Variants in PARD3B observed in about 807,000 individuals in gnomAD.
PARD3B encodes the protein partitioning defective 3 homolog B.
A neutral mutation model predicts 130.2 loss-of-function variants in PARD3B; 103 were observed. The ratio of observed to expected loss-of-function variants is 0.79; its 90% confidence interval spans 0.67 to 0.93. PARD3B has a LOEUF of 0.93. Ranked by LOEUF, PARD3B falls within the 40% of genes least tolerant of loss-of-function variation. The pLI is 0.00. For synonymous variants in PARD3B, 583 were observed against 553.2 expected, an observed-to-expected ratio of 1.05 and a Z score of -0.76; for missense variants, 1,609 against 1,499.2, an observed-to-expected ratio of 1.07 and a Z score of -1.21.
intron 2 of PARD3B, among the ~76,000 whole-genome samples, chr2:204,806,975 A>G (rs1222542879): frequency 1.3e-5 from 2 of 152,168 alleles, no homozygotes; most frequent in African/African-American, 2.4e-5. Context: ...AAGAGGTTCA[A>G]TGAACTCACA....
At chr2:204,759,681 T>A (rs948772963) in intron 2 of PARD3B, among the ~76,000 whole-genome samples, 1 of 152,088 alleles carries the variant, frequency 6.6e-6, no homozygotes, top group Non-Finnish European at 1.5e-5. Flanking sequence ...AATTGCTGGG[T>A]CAAATAGTCT....
intron 21 of PARD3B, among the ~76,000 whole-genome samples, chr2:205,514,504 C>G (rs971314404): frequency 6.6e-6 from 1 of 151,980 alleles, no homozygotes; most frequent in African/African-American, 2.4e-5. Context: ...TTTAAATAAA[C>G]ATTATTAATA....
At chr2:205,490,472 T>C (rs6733397) in intron 20 of PARD3B, among the ~76,000 whole-genome samples, 64,098 of 152,026 alleles carry the variant, frequency 0.42, 13,986 homozygotes, top group Admixed American at 0.52. Flanking sequence ...CATAGTATTC[T>C]GTGGTGTATA....
chr2:205,432,596 C>T (rs1040562471), intron 19 of PARD3B, among the ~76,000 whole-genome samples: 3 of 152,106 alleles, frequency 2.0e-5, no homozygotes, highest in Non-Finnish European at 4.4e-5. Context: ...TTATTTTCTT[C>T]TTCTTCAAGC....
At chr2:205,449,478 G>T (rs976072907) in intron 20 of PARD3B, among the ~76,000 whole-genome samples, 8 of 151,992 alleles carry the variant, frequency 5.3e-5, no homozygotes, top group Non-Finnish European at 1.2e-4. Context: ...TGATCCACCC[G>T]CCTAGGCCTC....
intron 15 of PARD3B, among the ~76,000 whole-genome samples, chr2:205,235,131 G>A (rs1489667821): frequency 1.3e-5 from 2 of 152,016 alleles, no homozygotes; most frequent in African/African-American, 4.8e-5. Flanking sequence ...TAAAAAAATG[G>A]TAAGAGAGGC....
chr2:204,631,140 T>C (rs1442544219), intron 1 of PARD3B, among the ~76,000 whole-genome samples: 1 of 152,204 alleles, frequency 6.6e-6, no homozygotes, highest in Non-Finnish European at 1.5e-5. Context: ...CCGGAGATTC[T>C]GGTACAGCTA....
At chr2:204,900,442 C>T (rs180871175) in intron 2 of PARD3B, among the ~76,000 whole-genome samples, 1 of 152,246 alleles carries the variant, frequency 6.6e-6, no homozygotes, top group East Asian at 1.9e-4. Flanking sequence ...TTTTTCTACT[C>T]CACAATTTCT....
intron 2 of PARD3B, among the ~76,000 whole-genome samples, chr2:204,903,047 T>C (rs1280551226): frequency 6.6e-5 from 10 of 152,206 alleles, no homozygotes; most frequent in Admixed American, 6.5e-4. Context: ...GTTGAGGTAA[T>C]TGAGTGAGAG....
chr2:205,058,045 T>C (rs1699842412), intron 4 of PARD3B, among the ~76,000 whole-genome samples: 1 of 151,816 alleles, frequency 6.6e-6, no homozygotes, highest in African/African-American at 2.4e-5. Flanking sequence ...TGAAACTCTA[T>C]ACTCTTAAAC....
intron 2 of PARD3B, among the ~76,000 whole-genome samples, chr2:204,729,277 A>G (rs1451829122): frequency 6.6e-6 from 1 of 152,208 alleles, no homozygotes; most frequent in East Asian, 1.9e-4. Flanking sequence ...AATCTTTTCT[A>G]CATTGATACT....
intron 16 of PARD3B, among the ~76,000 whole-genome samples, chr2:205,248,414 T>TGGTGGTGGTGGTGGTGGTGGTGGTGGC (rs1467840572): frequency 8.1e-5 from 12 of 148,314 alleles, no homozygotes; most frequent in African/African-American, 3.0e-4. Context: ...GTGGTGGTGG[T>TGGTGGTGGTGGTGGTGGTGGTGGTGGC]GGCGGCAGCA....
At chr2:204,746,825 G>A (rs1253069410) in intron 2 of PARD3B, among the ~76,000 whole-genome samples, 2 of 151,882 alleles carry the variant, frequency 1.3e-5, no homozygotes, top group African/African-American at 4.8e-5. Context: ...TTGTGATGGG[G>A]TTGTTTTTTT....
At chr2:205,361,114 A>G (rs568670557) in intron 18 of PARD3B, among the ~76,000 whole-genome samples, 3 of 152,164 alleles carry the variant, frequency 2.0e-5, no homozygotes, top group Non-Finnish European at 4.4e-5. Context: ...TAAGAAAAAA[A>G]AACTTGGAGG....
intron 21 of PARD3B, among the ~76,000 whole-genome samples, chr2:205,518,928 T>C (rs145948740): frequency 2.2e-3 from 329 of 152,340 alleles, no homozygotes; most frequent in Middle Eastern, 0.01. Flanking sequence ...CTCTTCTGGC[T>C]TGTAGGATTT....
At chr2:205,155,453 G>T (rs1384331602) in intron 10 of PARD3B, among the ~76,000 whole-genome samples, 1 of 152,108 alleles carries the variant, frequency 6.6e-6, no homozygotes, top group Non-Finnish European at 1.5e-5. Flanking sequence ...CAGTTGGCCA[G>T]TGGAGCAGTA....
intron 1 of PARD3B, among the ~76,000 whole-genome samples, chr2:204,668,030 T>C (rs751512986): frequency 6.6e-6 from 1 of 152,148 alleles, no homozygotes; most frequent in Non-Finnish European, 1.5e-5. Context: ...TACATTTCTG[T>C]TGTGGAAGGA....
At chr2:205,377,171 G>A (rs2045091767) in intron 18 of PARD3B, among the ~76,000 whole-genome samples, 1 of 152,184 alleles carries the variant, frequency 6.6e-6, no homozygotes, top group South Asian at 2.1e-4. Context: ...TAAAAAGTTG[G>A]AGGAAAGGAT....
At chr2:204,833,671 G>A (rs764194586) in intron 2 of PARD3B, among the ~76,000 whole-genome samples, 4 of 152,076 alleles carry the variant, frequency 2.6e-5, no homozygotes, top group Non-Finnish European at 2.9e-5. Context: ...GTTCTGTCTC[G>A]TCTGCCAGCA....
Sources: gnomAD v4.1 joint callset for allele counts (sites outside exome capture counted in the v4.1 genomes callset) on GRCh38, gnomAD v4.1.1 for gene constraint, MANE v1.5 for transcripts, NCBI Gene and HGNC (gene_info 2026-07-23, HGNC 2026-07-21) for gene names.